Variants in ADCY8 observed in about 807,000 individuals in gnomAD.
ADCY8 encodes adenylate cyclase 8.
A neutral mutation model predicts 119.7 loss-of-function variants in ADCY8; 51 were observed. That is an observed-to-expected ratio of 0.43 (90% CI 0.34 to 0.54). The LOEUF (loss-of-function observed/expected upper bound fraction) is 0.54, where lower values mean the gene tolerates loss of function less well. Among genes scored for constraint, ADCY8 ranks in the 20% least tolerant of loss-of-function variants. ADCY8 has a pLI of 0.03. For missense variants in ADCY8, 1,383 were observed against 1,598.8 expected, an observed-to-expected ratio of 0.87 and a Z score of 2.30; for synonymous variants, 665 against 651.0, an observed-to-expected ratio of 1.02 and a Z score of -0.33.
chr8:130,961,775 G>A (rs996672973), intron 2 of ADCY8, among the ~76,000 whole-genome samples: 70 of 152,146 alleles, frequency 4.6e-4, no homozygotes, highest in South Asian at 2.5e-3. Flanking sequence ...AATATTTCTC[G>A]AGCAAACTTG....
intron 8 of ADCY8, among the ~76,000 whole-genome samples, chr8:130,870,609 C>T (rs1384308889): frequency 6.6e-6 from 1 of 152,112 alleles, no homozygotes; most frequent in African/African-American, 2.4e-5. Context: ...CATTGCTTTG[C>T]AAAGGCTTCC....
chr8:130,907,987 T>C (rs1294392432), intron 6 of ADCY8, among the ~76,000 whole-genome samples: 1 of 152,194 alleles, frequency 6.6e-6, no homozygotes, highest in Non-Finnish European at 1.5e-5. Flanking sequence ...AGTGAGAACA[T>C]GTGGTGTTGG....
At chr8:130,963,222 A>G (rs1821661435) in intron 2 of ADCY8, among the ~76,000 whole-genome samples, 1 of 152,088 alleles carries the variant, frequency 6.6e-6, no homozygotes, top group African/African-American at 2.4e-5. Context: ...AATCAGCAGA[A>G]AAGAAAAACA....
intron 3 of ADCY8, 35 bp from the exon 4 acceptor site, chr8:130,943,497 G>GGCCCC: frequency 2.0e-6 from 1 of 491,356 alleles, no homozygotes; most frequent in Non-Finnish European, 4.2e-6. Context: ...GTGGGGGGAG[G>GGCCCC]AAGTATATTA....
At chr8:130,878,802 G>A (rs1818658683) in intron 8 of ADCY8, among the ~76,000 whole-genome samples, 1 of 152,014 alleles carries the variant, frequency 6.6e-6, no homozygotes, top group African/African-American at 2.4e-5. Context: ...AGAATCAAGA[G>A]GAAAAATATC....
rs201806626 is a variant in ADCY8, at chr8:131,040,036, C to G, written c.298G>C (p.Ala100Pro). Residue 100 changes from alanine to proline, a missense_variant, in exon 1 of 18, where the codon GCG (alanine) becomes CCG (proline). By Grantham distance (27) the Ala-to-Pro change is conservative (BLOSUM62 -1). Around this residue, in one of 2 missense-constraint regions of ADCY8, gnomAD observed 455 missense variants for 435.3 expected, o/e 1.05. Transcript: ENST00000286355. The part of the protein sequence containing the change: ...PLYSLGPGER[A>P]HSTCGTKVFP... ...ACTTTGGTGCCGCAGGTGCTGTGCG[C>G]TCGCTCTCCCGGGCCCAGCGAGTAG... is the stretch of plus-strand genomic sequence containing the variant. 4 of 1,549,612 alleles carry G rather than the reference C, an allele frequency of 2.6e-6. No individual in the cohort carries two copies. In the African/African-American group the frequency reaches 5.4e-5, roughly 21 times the overall value.
chr8:131,017,840 A>C (rs148460609), intron 1 of ADCY8, among the ~76,000 whole-genome samples: 3,191 of 151,940 alleles, frequency 0.021, 39 homozygotes, highest in Non-Finnish European at 0.032. Flanking sequence ...AAAAAATCCC[A>C]CTAGGAGATG....
chr8:130,936,816 C>T (rs1160233626), intron 5 of ADCY8, among the ~76,000 whole-genome samples: 2 of 152,152 alleles, frequency 1.3e-5, no homozygotes, highest in Admixed American at 6.5e-5. Flanking sequence ...CATCTTGTTC[C>T]TTGCTGCATC....
chr8:130,884,704 CT>C lies in ADCY8; in HGVS notation c.1968del (p.Ala657LeufsTer15). ...SINLLPNHLA[Q>X]ALHVQSGPEE... ...TCAGGCCCAGACTGGACATGCAAAG[CT>C]TGTGCAAGATGGTTTGGAAGCAGAT... On this transcript the variant is annotated frameshift_variant, in exon 8 of 18. Coordinates refer to ENST00000286355, the MANE Select transcript of ADCY8 (RefSeq NM_001115.3). LOFTEE classifies it high-confidence loss of function. 1.2e-6 allele frequency: 2 copies of C among 1,613,884 alleles called. No individual in the cohort carries two copies. The highest frequency in any genetic ancestry group is 1.7e-6 in the Non-Finnish European group (2 of 1,179,826).
chr8:130,995,113 C>T (rs4392877), intron 1 of ADCY8, among the ~76,000 whole-genome samples: 70,631 of 151,964 alleles, frequency 0.46, 16,578 homozygotes, highest in East Asian at 0.64. Flanking sequence ...TAAAAATTGA[C>T]AATATTTCTA....
chr8:130,994,534 T>C (rs1822705736), intron 1 of ADCY8, among the ~76,000 whole-genome samples: 1 of 152,216 alleles, frequency 6.6e-6, no homozygotes, highest in Non-Finnish European at 1.5e-5. Flanking sequence ...AAGTTTATTT[T>C]GGTGCAAAAA....
chr8:130,988,613 A>T (rs1822478016), intron 2 of ADCY8, among the ~76,000 whole-genome samples: 1 of 152,148 alleles, frequency 6.6e-6, no homozygotes, highest in Non-Finnish European at 1.5e-5. Flanking sequence ...AAGAGCCATG[A>T]CCCAAACTCT....
At chr8:130,797,806 C>T (rs980813770) in intron 15 of ADCY8, among the ~76,000 whole-genome samples, 3 of 152,206 alleles carry the variant, frequency 2.0e-5, no homozygotes, top group Non-Finnish European at 2.9e-5. Context: ...GTGATCACGT[C>T]TTATCCATCT....
At chr8:131,027,198 G>A (rs889188821) in intron 1 of ADCY8, among the ~76,000 whole-genome samples, 16 of 152,110 alleles carry the variant, frequency 1.1e-4, no homozygotes, top group African/African-American at 3.9e-4. Flanking sequence ...GATTATCAAA[G>A]TCAAACAAAC....
chr8:130,999,450 C>T (rs182106007), intron 1 of ADCY8, among the ~76,000 whole-genome samples: 1 of 152,232 alleles, frequency 6.6e-6, no homozygotes, highest in East Asian at 1.9e-4. Flanking sequence ...CTCACAGAGC[C>T]AGCTTCCCCA....
intron 12 of ADCY8, among the ~76,000 whole-genome samples, chr8:130,834,369 A>C (rs972503481): frequency 6.6e-6 from 1 of 152,172 alleles, no homozygotes; most frequent in Non-Finnish European, 1.5e-5. Flanking sequence ...TAAAACACAC[A>C]CTCAACCAAA....
chr8:131,003,985 AC>A lies in ADCY8; in HGVS notation c.961-13444del, dbSNP rs529655397. Among the ~76,000 whole-genome samples the A allele has an allele frequency of 3.7e-3, 564 of 152,284 alleles. 3 individuals carry two copies. The highest frequency in any genetic ancestry group is 5.9e-3 in the Non-Finnish European group (400 of 68,028). ...CCTGGCTCTTTGCAAATAAAAACAA[AC>A]AACAACAACAGCAACAAGACTTGTT... On this transcript the variant is annotated intron_variant, in intron 1 of 17. Coordinates refer to ENST00000286355, the MANE Select transcript of ADCY8 (RefSeq NM_001115.3).
At position 131,040,261 on chromosome 8, in the gene ADCY8, C is replaced by T. The variant is rs764602731; in HGVS notation, c.73G>A (p.Gly25Ser). The T allele has an allele frequency of 1.9e-4, 295 of 1,555,870 alleles. No individual in the cohort carries two copies. Among genetic ancestry groups the T allele is most frequent in the Non-Finnish European group, 1.8e-4 (203 of 1,157,448 alleles). ...GGCCGGGAGGCGCTCCTGCCGTCGC[C>T]GGCCGGGGGCGTCGGGTGGATGGTG... ...LYTIHPTPPA[G>S]DGRSASRPQR... The change falls in exon 1 of 18, where the codon GGC becomes AGC. Residue 25 changes from glycine to serine, a missense_variant. By Grantham distance (56) the Gly-to-Ser change is moderately conservative. Around this residue, in one of 2 missense-constraint regions of ADCY8, gnomAD observed 455 missense variants for 435.3 expected, o/e 1.05. Coordinates refer to ENST00000286355, the MANE Select transcript of ADCY8 (RefSeq NM_001115.3).
chr8:131,009,481 C>T (rs1823232090), intron 1 of ADCY8, among the ~76,000 whole-genome samples: 1 of 152,220 alleles, frequency 6.6e-6, no homozygotes, highest in Non-Finnish European at 1.5e-5. Flanking sequence ...ATTTCCCCTG[C>T]TGGCACTCAT....
Sources: gnomAD v4.1 joint callset for allele counts (sites outside exome capture counted in the v4.1 genomes callset) on GRCh38, gnomAD v4.1.1 for gene constraint, gnomAD v4.1.1 regional missense constraint, MANE v1.5 for transcripts, NCBI Gene and HGNC (gene_info 2026-07-23, HGNC 2026-07-21) for gene names.